The following ASB2 variants were observed in gnomAD, a reference collection of about 807,000 sequenced individuals.
ASB2 encodes the protein ankyrin repeat and SOCS box containing 2.
In ASB2, 58 loss-of-function variants were observed where a neutral mutation model predicts 62.4. The ratio of observed to expected loss-of-function variants is 0.93; its 90% CI spans 0.75 to 1.16. The LOEUF is 1.16. Ranked by LOEUF, ASB2 falls within the 50% of genes most tolerant of loss-of-function variation. The pLI, the probability that ASB2 is intolerant of heterozygous loss-of-function variation, is 0.00. For missense variants in ASB2, 928 were observed against 887.9 expected, an observed-to-expected ratio of 1.05 and a Z score of -0.57; for synonymous variants, 386 against 385.3, an observed-to-expected ratio of 1.00 and a Z score of -0.02.
chr14:93,964,462 G>A lies in ASB2; in HGVS notation c.78C>T (p.Ser26=), dbSNP rs760595648. 68 of 1,535,918 alleles carry A rather than the reference G, an allele frequency of 4.4e-5. No individual in the cohort carries two copies. Among genetic ancestry groups the A allele is most frequent in the Non-Finnish European group, 5.6e-5 (64 of 1,146,902 alleles). Reference sequence around the variant, plus strand: ...TGGCCATCTGCACCAGTTCATCCTCGCTCAGGCTGCTGTACAGGCTGTACT... The same window carrying A: ...TGGCCATCTGCACCAGTTCATCCTCACTCAGGCTGCTGTACAGGCTGTACT... ...QEEYSLYSSL[S]EDELVQMAIE... Residue 26 remains serine, a synonymous_variant, in exon 2 of 10, where the codon AGC becomes AGT. Coordinates refer to ENST00000555019, the MANE Select transcript of ASB2 (RefSeq NM_001202429.2).
At chr14:93,946,156 C>G (rs186501999) in intron 7 of ASB2, among the ~76,000 whole-genome samples, 1 of 152,304 alleles carries the variant, frequency 6.6e-6, no homozygotes, top group South Asian at 2.1e-4. Context: ...CAAAAAGGGT[C>G]AGATGCTGGG....
At chr14:93,949,862 A>G (rs567675857) in intron 6 of ASB2, among the ~76,000 whole-genome samples, 38 of 152,272 alleles carry the variant, frequency 2.5e-4, no homozygotes, top group African/African-American at 9.1e-4. Context: ...TACGCTGGGC[A>G]GTCCAGATTT....
chr14:93,954,961 T>C (rs1043573958), intron 3 of ASB2: 4 of 434,902 alleles, frequency 9.2e-6, no homozygotes, highest in Middle Eastern at 3.4e-4. Context: ...GAAGGATTAA[T>C]AAATTTGAAG....
chr14:93,966,134 G>C (rs1889585032), intron 1 of ASB2, among the ~76,000 whole-genome samples: 1 of 152,268 alleles, frequency 6.6e-6, no homozygotes, highest in Non-Finnish European at 1.5e-5. Flanking sequence ...GGAGGTCAAA[G>C]TTCACTGCAT....
At chr14:93,959,974 C>T (rs1889352862) in intron 2 of ASB2, among the ~76,000 whole-genome samples, 1 of 114,130 alleles carries the variant, frequency 8.8e-6, no homozygotes, top group Non-Finnish European at 1.8e-5. Flanking sequence ...GCCACTGTGC[C>T]ATGAGTCTAC....
At chr14:93,956,711 T>C (rs1889222825) in intron 3 of ASB2, 55 bp downstream of exon 3, 1 of 1,606,766 alleles carries the variant, frequency 6.2e-7, no homozygotes, top group South Asian at 1.1e-5. Flanking sequence ...CTCCCTGCCA[T>C]CCCAGTTAGC....
chr14:93,966,044 A>G (rs983905168), intron 1 of ASB2, among the ~76,000 whole-genome samples: 3 of 152,216 alleles, frequency 2.0e-5, no homozygotes, highest in African/African-American at 7.2e-5. Flanking sequence ...TGGGAAGAGG[A>G]ACTTCTCCTG....
At chr14:93,937,509 T>A (rs1888311229) in intron 9 of ASB2, among the ~76,000 whole-genome samples, 189 bp downstream of exon 9, 1 of 152,204 alleles carries the variant, frequency 6.6e-6, no homozygotes. Context: ...TGCCACTAAC[T>A]AACTGTGACT....
chr14:93,934,956 G>C (rs1036992458), intron 9 of ASB2, among the ~76,000 whole-genome samples, 164 bp from the exon 10 acceptor site: 6 of 152,188 alleles, frequency 3.9e-5, no homozygotes, highest in African/African-American at 1.4e-4. Context: ...AAGAGATCCA[G>C]CAAGCCACCT....
chr14:93,964,546 C>T lies in ASB2; in HGVS notation c.-7G>A. 1 of 1,535,902 alleles carries T rather than the reference C, an allele frequency of 6.5e-7. No homozygotes were observed. The highest frequency in any genetic ancestry group is 1.2e-5 in the South Asian group (1 of 84,044). ...TGCTGATCTGCGTGGCCATCCTCCT[C>T]CACCTCTCACCCTGGCCTCCAGAAC... is the stretch of plus-strand genomic sequence containing the variant. On this transcript the variant is annotated 5_prime_UTR_variant, in exon 2 of 10. Coordinates refer to ENST00000555019, the MANE Select transcript of ASB2 (RefSeq NM_001202429.2).
chr14:93,960,839 A>G (rs1254335091), intron 2 of ASB2, among the ~76,000 whole-genome samples: 2 of 152,230 alleles, frequency 1.3e-5, no homozygotes, highest in African/African-American at 2.4e-5. Context: ...TCACAATATA[A>G]TAATGATCAA....
chr14:93,945,536 G>A lies in ASB2; in HGVS notation c.1052+1813C>T, dbSNP rs550930057. ...CCTCCGACAACCCCATGAGGCGGGTGTAACCATTTCCCATTTTATAAATGA... is the reference window on the plus strand; with the variant it reads ...CCTCCGACAACCCCATGAGGCGGGTATAACCATTTCCCATTTTATAAATGA... On this transcript the variant is annotated intron_variant, in intron 7 of 9. Coordinates refer to ENST00000555019, the MANE Select transcript of ASB2 (RefSeq NM_001202429.2). 2.9e-3 allele frequency among the ~76,000 whole-genome samples: 443 copies of A among 152,334 alleles called. 1 individual carries two copies. The highest frequency in any genetic ancestry group is 0.01 in the African/African-American group (421 of 41,568).
chr14:93,955,888 G>A (rs1196689980), intron 3 of ASB2, among the ~76,000 whole-genome samples: 3 of 152,150 alleles, frequency 2.0e-5, no homozygotes, highest in South Asian at 2.1e-4. Context: ...AGGGGACAGC[G>A]ACTCTCAGGC....
intron 3 of ASB2, chr14:93,955,167 G>A: frequency 2.2e-6 from 1 of 456,684 alleles, no homozygotes; most frequent in Admixed American, 2.3e-5. Context: ...CCACTTTTGG[G>A]GAGGCTTCTG....
chr14:93,947,300 G>A (rs375370900), intron 7 of ASB2, 49 bp downstream of exon 7: 82 of 1,600,290 alleles, frequency 5.1e-5, no homozygotes, highest in Non-Finnish European at 6.1e-5. Context: ...CCTACTCCCA[G>A]TGTGGGCCTC....
chr14:93,962,104 A>G (rs1431164097), intron 2 of ASB2, among the ~76,000 whole-genome samples: 1 of 107,182 alleles, frequency 9.3e-6, no homozygotes, highest in African/African-American at 3.7e-5. Context: ...TTCATTAAAC[A>G]TTCTTTTTTT....
chr14:93,968,715 T>C (rs1889667539), intron 1 of ASB2, among the ~76,000 whole-genome samples: 1 of 152,182 alleles, frequency 6.6e-6, no homozygotes, highest in Non-Finnish European at 1.5e-5. Context: ...GACAGGACCT[T>C]GAGAAAGTCT....
intron 1 of ASB2, among the ~76,000 whole-genome samples, chr14:93,974,966 T>C (rs1388926311): frequency 6.6e-6 from 1 of 152,238 alleles, no homozygotes; most frequent in Non-Finnish European, 1.5e-5. Context: ...GAACAGATGA[T>C]GCAAACCAGC....
intron 1 of ASB2, among the ~76,000 whole-genome samples, chr14:93,966,840 G>T (rs1889608512): frequency 6.6e-6 from 1 of 152,146 alleles, no homozygotes; most frequent in Non-Finnish European, 1.5e-5. Context: ...AATGCTAGAG[G>T]CTTCTCTGGT....
Sources: allele counts gnomAD v4.1 joint callset (sites outside exome capture counted in the v4.1 genomes callset), GRCh38; gene constraint gnomAD v4.1.1; transcripts MANE v1.5; gene names NCBI Gene and HGNC (gene_info 2026-07-23, HGNC 2026-07-21).